Variants in ARFIP1 observed in about 807,000 individuals in gnomAD.
The protein encoded by ARFIP1 is arfaptin-1.
In ARFIP1, 24 loss-of-function variants were observed where a neutral mutation model predicts 42.5. That is an observed-to-expected ratio of 0.57 (90% CI 0.41 to 0.80). ARFIP1 has a LOEUF of 0.80. Among genes scored for constraint, ARFIP1 ranks in the 30% least tolerant of loss-of-function variants. The probability of loss-of-function intolerance (pLI) is 0.00; values close to 1 mark genes in which losing one functional copy is unlikely to be tolerated. For synonymous variants in ARFIP1, 141 were observed against 153.7 expected, an observed-to-expected ratio of 0.92 and a Z score of 0.61; for missense variants, 354 against 434.0, an observed-to-expected ratio of 0.82 and a Z score of 1.64.
At chr4:152,866,664 G>T (rs1187859387) in intron 3 of ARFIP1, among the ~76,000 whole-genome samples, 1 of 152,018 alleles carries the variant, frequency 6.6e-6, no homozygotes, top group African/African-American at 2.4e-5. Context: ...CCCGGACGGG[G>T]TGGCTGCCAG....
chr4:152,853,412 C>T (rs116322513), intron 2 of ARFIP1, among the ~76,000 whole-genome samples: 199 of 152,254 alleles, frequency 1.3e-3, no homozygotes, highest in African/African-American at 4.3e-3. Context: ...TTTATTTCTC[C>T]TTCTGGTAAT....
At chr4:152,855,979 A>G (rs1032512295) in intron 2 of ARFIP1, among the ~76,000 whole-genome samples, 2 of 152,098 alleles carry the variant, frequency 1.3e-5, no homozygotes, top group African/African-American at 4.8e-5. Context: ...TGGATGATGT[A>G]TTCGAGGTGT....
intron 1 of ARFIP1, among the ~76,000 whole-genome samples, chr4:152,819,883 G>A (rs1231700907): frequency 2.0e-5 from 3 of 152,070 alleles, no homozygotes; most frequent in African/African-American, 2.4e-5. Context: ...AGCTCATTGC[G>A]GGTGCCTCTT....
intron 1 of ARFIP1, among the ~76,000 whole-genome samples, chr4:152,795,643 C>A (rs1731398341): frequency 1.3e-5 from 2 of 151,900 alleles, no homozygotes; most frequent in South Asian, 4.1e-4. Flanking sequence ...ATTTGTATTC[C>A]CATCAGCAAT....
chr4:152,833,690 A>G (rs1731424377), intron 2 of ARFIP1, among the ~76,000 whole-genome samples: 1 of 152,248 alleles, frequency 6.6e-6, no homozygotes, highest in Non-Finnish European at 1.5e-5. Context: ...ATATCATTCA[A>G]GCTCTATTAA....
intron 2 of ARFIP1, among the ~76,000 whole-genome samples, chr4:152,861,469 G>A (rs1733890971): frequency 1.3e-5 from 2 of 152,146 alleles, no homozygotes; most frequent in Admixed American, 1.3e-4. Context: ...GGAAAAAAAG[G>A]TAATTAAGGG....
chr4:152,844,713 A>C (rs1057406992), intron 2 of ARFIP1, among the ~76,000 whole-genome samples: 2 of 152,166 alleles, frequency 1.3e-5, no homozygotes, highest in Admixed American at 6.5e-5. Flanking sequence ...AACACATCAG[A>C]TGACACAAAC....
chr4:152,874,357 A>T (rs954524205), intron 5 of ARFIP1, among the ~76,000 whole-genome samples: 2 of 152,180 alleles, frequency 1.3e-5, no homozygotes, highest in Admixed American at 6.5e-5. Flanking sequence ...TTAAATGACA[A>T]TTTTTTCCAT....
At chr4:152,906,745 C>CA (rs1488167654) in intron 8 of ARFIP1, among the ~76,000 whole-genome samples, 1 of 152,160 alleles carries the variant, frequency 6.6e-6, no homozygotes, top group African/African-American at 2.4e-5. Flanking sequence ...TAAGGGCCTG[C>CA]ACCATCTAGC....
intron 1 of ARFIP1, among the ~76,000 whole-genome samples, chr4:152,825,324 A>G (rs971687020): frequency 2.0e-5 from 3 of 152,202 alleles, no homozygotes; most frequent in Non-Finnish European, 4.4e-5. Context: ...ATAGTAAACC[A>G]AAACAGTGTG....
chr4:152,824,259 GC>G (rs966191358), intron 1 of ARFIP1, among the ~76,000 whole-genome samples: 6 of 151,468 alleles, frequency 4.0e-5, no homozygotes, highest in Non-Finnish European at 8.8e-5. Context: ...GTTGCAGGGA[GC>G]CTTGATCATG....
intron 1 of ARFIP1, among the ~76,000 whole-genome samples, chr4:152,806,134 C>T (rs914638799): frequency 6.6e-6 from 1 of 152,212 alleles, no homozygotes; most frequent in African/African-American, 2.4e-5. Context: ...TGTTCTGCCA[C>T]TCTTCAGATA....
At chr4:152,889,829 CTATATACTA>C (rs1736667774) in intron 8 of ARFIP1, among the ~76,000 whole-genome samples, 1 of 85,328 alleles carries the variant, frequency 1.2e-5, no homozygotes. Context: ...ACTATATATA[CTATATACTA>C]TATATATACT....
At chr4:152,889,802 CTATATACTATA>C (rs1736653180) in intron 8 of ARFIP1, among the ~76,000 whole-genome samples, 1 of 96,996 alleles carries the variant, frequency 1.0e-5, no homozygotes, top group East Asian at 2.6e-4. Flanking sequence ...ATATACTATA[CTATATACTATA>C]TATATACTAT....
rs781586446 is a variant in ARFIP1 at position 152,910,175 on chromosome 4, A to C, written c.1078A>C (p.Lys360Gln). ...QTLKQFHIKL[K>Q]TPGVDAPSWL... ...ACTTAAACAGTTCCATATCAAATTGAAAACCCCTGGAGTGGATGCCCCATC... is the reference window on the plus strand; with the variant it reads ...ACTTAAACAGTTCCATATCAAATTGCAAACCCCTGGAGTGGATGCCCCATC... The change falls in exon 9 of 9, where the codon AAA (lysine) becomes CAA (glutamine). Residue 360 changes from lysine (K) to glutamine (Q), a missense_variant. Physicochemically the swap from Lys to Gln is moderately conservative, Grantham distance 53. Coordinates refer to ENST00000353617, the MANE Select transcript of ARFIP1 (RefSeq NM_001025595.3). 3 of 1,614,204 alleles carry C rather than the reference A, an allele frequency of 1.9e-6. No homozygotes were observed. The highest frequency in any genetic ancestry group is 2.2e-5 in the East Asian group (1 of 44,882).
chr4:152,793,178 A>G (rs1408046809), intron 1 of ARFIP1, among the ~76,000 whole-genome samples: 1 of 151,940 alleles, frequency 6.6e-6, no homozygotes, highest in African/African-American at 2.4e-5. Flanking sequence ...TGTTACTCCC[A>G]TGTATTTTGT....
chr4:152,842,613 T>C (rs1351791722), intron 2 of ARFIP1, among the ~76,000 whole-genome samples: 1 of 152,188 alleles, frequency 6.6e-6, no homozygotes, highest in East Asian at 1.9e-4. Context: ...TATTTTCTTA[T>C]TCTTTTTTCT....
At chr4:152,904,574 G>A (rs1354858407) in intron 8 of ARFIP1, among the ~76,000 whole-genome samples, 8 of 152,014 alleles carry the variant, frequency 5.3e-5, no homozygotes, top group Non-Finnish European at 1.0e-4. Flanking sequence ...ACAGGCCCCA[G>A]TGTGTGTTGA....
chr4:152,788,734 A>G (rs1561096462), intron 1 of ARFIP1, among the ~76,000 whole-genome samples: 1 of 152,032 alleles, frequency 6.6e-6, no homozygotes, highest in Non-Finnish European at 1.5e-5. Context: ...TGTCACAATT[A>G]ACCAATATTG....
Sources: gnomAD v4.1 joint callset for allele counts (sites outside exome capture counted in the v4.1 genomes callset) on GRCh38, gnomAD v4.1.1 for gene constraint, MANE v1.5 for transcripts, NCBI Gene and HGNC (gene_info 2026-07-23, HGNC 2026-07-21) for gene names.